Variants in CSMD3 observed in about 807,000 individuals in gnomAD.
The protein encoded by CSMD3 is CUB and Sushi multiple domains 3.
CSMD3 carries 177 observed loss-of-function variants against 435.2 expected under a neutral mutation model. That is an observed-to-expected ratio of 0.41 (90% CI 0.36 to 0.46). The LOEUF is 0.46. Ranked by LOEUF, CSMD3 falls within the 20% of genes least tolerant of loss-of-function variation. CSMD3 has a pLI of 0.34. For synonymous variants in CSMD3, 1,656 were observed against 1,520.5 expected (o/e 1.09, Z -2.07); for missense variants, 4,265 against 4,504.6 (o/e 0.95, Z 1.52).
intron 35 of CSMD3, among the ~76,000 whole-genome samples, chr8:112,391,024 A>C (rs1283890085): frequency 7.0e-6 from 1 of 143,292 alleles, no homozygotes; most frequent in African/African-American, 2.4e-5. Flanking sequence ...ATCACACTAC[A>C]ATTAACTCAA....
At chr8:113,161,663 T>C (rs1288419003) in intron 4 of CSMD3, among the ~76,000 whole-genome samples, 1 of 152,160 alleles carries the variant, frequency 6.6e-6, no homozygotes, top group East Asian at 1.9e-4. Flanking sequence ...TTTGCCATTA[T>C]GTCATAAGAA....
intron 3 of CSMD3, among the ~76,000 whole-genome samples, chr8:113,187,401 TA>T (rs2092522753): frequency 6.6e-6 from 1 of 151,922 alleles, no homozygotes; most frequent in Non-Finnish European, 1.5e-5. Flanking sequence ...AAAAATCACC[TA>T]AAATTGTAAT....
rs1324128549 is a variant in CSMD3, at chr8:112,947,775, A to G, written c.1508+15T>C. The G allele has an allele frequency of 9.8e-7, 1 of 1,021,276 alleles. No homozygotes were observed. The highest frequency in any genetic ancestry group is 1.3e-5 in the South Asian group (1 of 78,006). 63.3% of individuals were successfully genotyped at this position (1,021,276 alleles called of 1,614,324 possible). On this transcript the variant is annotated intron_variant, in intron 9 of 70. Coordinates refer to ENST00000297405, the MANE Select transcript of CSMD3 (RefSeq NM_198123.2). ...TGACAAGATAAATAATGAAGTCAAT[A>G]TTTTAAAATATTACCTAAAATCTGA...
chr8:112,407,777 T>G (rs1343095673), intron 34 of CSMD3, among the ~76,000 whole-genome samples: 1 of 152,006 alleles, frequency 6.6e-6, no homozygotes, highest in East Asian at 1.9e-4. Context: ...CTTAACTTGG[T>G]TTAATGATAA....
intron 3 of CSMD3, among the ~76,000 whole-genome samples, chr8:113,232,644 T>C (rs2093101382): frequency 6.6e-6 from 1 of 151,772 alleles, no homozygotes; most frequent in Non-Finnish European, 1.5e-5. Context: ...CATTATCAAA[T>C]CAAAATCAAC....
At chr8:112,670,031 G>T (rs1161911908) in intron 16 of CSMD3, among the ~76,000 whole-genome samples, 2 of 152,008 alleles carry the variant, frequency 1.3e-5, no homozygotes, top group African/African-American at 4.8e-5. Context: ...TTAACAAAAC[G>T]TAAAAATGTC....
intron 59 of CSMD3, among the ~76,000 whole-genome samples, chr8:112,278,696 G>C (rs1818326030): frequency 6.6e-6 from 1 of 152,128 alleles, no homozygotes; most frequent in East Asian, 1.9e-4. Flanking sequence ...GTGTCCTCCA[G>C]TCCATACCTA....
chr8:112,872,988 C>A (rs1225346830), intron 10 of CSMD3, among the ~76,000 whole-genome samples: 1 of 151,916 alleles, frequency 6.6e-6, no homozygotes, highest in East Asian at 1.9e-4. Context: ...CAGACAAAAA[C>A]CTCAGACAAC....
intron 13 of CSMD3, among the ~76,000 whole-genome samples, chr8:112,697,720 T>C (rs751141796): frequency 6.6e-6 from 1 of 151,780 alleles, no homozygotes; most frequent in Non-Finnish European, 1.5e-5. Flanking sequence ...ACCCTAGAAC[T>C]TAAAGTATAA....
chr8:112,527,359 C>T (rs1208935030), intron 27 of CSMD3, among the ~76,000 whole-genome samples: 2 of 150,800 alleles, frequency 1.3e-5, no homozygotes, highest in Non-Finnish European at 3.0e-5. Flanking sequence ...ATAAAAGGGT[C>T]AAAAAAGGGT....
intron 27 of CSMD3, among the ~76,000 whole-genome samples, chr8:112,527,026 A>T (rs1388673205): frequency 1.3e-5 from 2 of 151,978 alleles, no homozygotes; most frequent in Non-Finnish European, 2.9e-5. Flanking sequence ...GAAAAAAATG[A>T]TGGTAAGAAA....
At position 112,224,498 on chromosome 8, in the gene CSMD3, G is replaced by T. The variant is rs576609630; in HGVS notation, c.*273C>A. On this transcript the variant is annotated 3_prime_UTR_variant, in exon 71 of 71. Transcript: ENST00000297405. Reference sequence around the variant, plus strand: ...ATGCTCCTCCAATATATGCAAATAAGTTTATATTTTAGAATAATCTCCTTT... The same window carrying T: ...ATGCTCCTCCAATATATGCAAATAATTTTATATTTTAGAATAATCTCCTTT... 4.3e-6 allele frequency: 2 copies of T among 463,566 alleles called. No homozygotes were observed. Among genetic ancestry groups the T allele is most frequent in the African/African-American group, 3.9e-5 (2 of 50,698 alleles). The allele number at this position is 463,566 out of a possible 1,614,324, so 28.7% of individuals were successfully genotyped here.
At chr8:112,683,717 A>G (rs1275322326) in intron 15 of CSMD3, among the ~76,000 whole-genome samples, 1 of 151,996 alleles carries the variant, frequency 6.6e-6, no homozygotes, top group Non-Finnish European at 1.5e-5. Context: ...TGAGATGCTT[A>G]TAACTTATTA....
At chr8:112,351,603 G>T (rs1229415307) in intron 39 of CSMD3, among the ~76,000 whole-genome samples, 1 of 151,814 alleles carries the variant, frequency 6.6e-6, no homozygotes, top group Non-Finnish European at 1.5e-5. Flanking sequence ...AACACACAAG[G>T]TGAAGTAGGT....
chr8:113,078,248 G>A lies in CSMD3; in HGVS notation c.917+20508C>T, dbSNP rs144960061. 2.5e-3 allele frequency among the ~76,000 whole-genome samples: 374 copies of A among 152,254 alleles called. 2 individuals are homozygous for A. The highest frequency in any genetic ancestry group is 8.7e-3 in the African/African-American group (362 of 41,546). On this transcript the variant is annotated intron_variant, in intron 5 of 70. Coordinates refer to ENST00000297405, the MANE Select transcript of CSMD3 (RefSeq NM_198123.2). Reference sequence around the variant, plus strand: ...CTGCACAGCTGTACTGAGTGGTTCTGGGGAATAGGAGATATGCTATTTATT... The same window carrying A: ...CTGCACAGCTGTACTGAGTGGTTCTAGGGAATAGGAGATATGCTATTTATT...
chr8:112,478,341 A>C lies in CSMD3; in HGVS notation c.5279-5634T>G, dbSNP rs80247258. On this transcript the variant is annotated intron_variant, in intron 31 of 70. Coordinates refer to ENST00000297405, the MANE Select transcript of CSMD3 (RefSeq NM_198123.2). ...TGAGGCCTCAGAAGATAGAAAGATA[A>C]GGAAAAGTTTGGAGTTTCTTAGAAA... Among the ~76,000 whole-genome samples the C allele has an allele frequency of 5.6e-3, 846 of 152,282 alleles. 27 individuals are homozygous for C. In the East Asian group the frequency reaches 0.095, roughly 17 times the overall value.
chr8:113,418,647 A>T (rs2094594116), intron 1 of CSMD3, among the ~76,000 whole-genome samples: 1 of 152,216 alleles, frequency 6.6e-6, no homozygotes, highest in African/African-American at 2.4e-5. Flanking sequence ...TATAAATTCT[A>T]ATGTGTTCAG....
chr8:113,054,280 T>G (rs774365268), intron 5 of CSMD3, among the ~76,000 whole-genome samples: 6 of 152,194 alleles, frequency 3.9e-5, no homozygotes, highest in Non-Finnish European at 7.3e-5. Context: ...CTCTCATAAC[T>G]AAACATTTTG....
At chr8:113,410,899 G>GAGAAAGAAAGAA (rs2094555452) in intron 1 of CSMD3, among the ~76,000 whole-genome samples, 1 of 36,828 alleles carries the variant, frequency 2.7e-5, no homozygotes, top group African/African-American at 1.7e-4. Context: ...GCAAAACCCT[G>GAGAAAGAAAGAA]TGAAAGAAAG....
Sources: allele counts gnomAD v4.1 joint callset (sites outside exome capture counted in the v4.1 genomes callset), GRCh38; gene constraint gnomAD v4.1.1; transcripts MANE v1.5; gene names NCBI Gene and HGNC (gene_info 2026-07-23, HGNC 2026-07-21).